SNX25: variants seen among roughly 807,000 people sequenced by gnomAD.
SNX25 encodes the protein sorting nexin 25.
In SNX25, 62 loss-of-function variants were observed where a neutral mutation model predicts 113.7. The observed-to-expected ratio is 0.55, with a 90% CI of 0.44 to 0.67. The LOEUF (loss-of-function observed/expected upper bound fraction) is 0.67, where lower values mean the gene tolerates loss of function less well. SNX25 is among the 30% of genes least tolerant of loss of function. The pLI is 0.00. For missense variants in SNX25, 1,014 were observed against 1,161.0 expected (o/e 0.87, Z 1.84); for synonymous variants, 421 against 436.2 (o/e 0.97, Z 0.43).
chr4:185,301,420 C>G (rs1753659352), intron 6 of SNX25, among the ~76,000 whole-genome samples: 1 of 152,104 alleles, frequency 6.6e-6, no homozygotes, highest in East Asian at 1.9e-4. Context: ...GAGACGGAGT[C>G]TCACTCTGTC....
At chr4:185,298,007 C>T (rs1753075587) in intron 6 of SNX25, among the ~76,000 whole-genome samples, 1 of 152,126 alleles carries the variant, frequency 6.6e-6, no homozygotes, top group Non-Finnish European at 1.5e-5. Flanking sequence ...TGCAGATGGA[C>T]CACCTACATG....
At chr4:185,340,937 G>A (rs1017056739) in intron 11 of SNX25, among the ~76,000 whole-genome samples, 10 of 152,158 alleles carry the variant, frequency 6.6e-5, no homozygotes, top group Non-Finnish European at 1.3e-4. Context: ...TGTATTCTGT[G>A]CTAGCTGACT....
intron 7 of SNX25, among the ~76,000 whole-genome samples, chr4:185,318,554 T>G (rs539200262): frequency 1.3e-5 from 2 of 152,332 alleles, no homozygotes; most frequent in Admixed American, 6.5e-5. Context: ...TTAATGAATA[T>G]GGTTGATACT....
At chr4:185,231,977 G>C (rs1337529385) in intron 1 of SNX25, among the ~76,000 whole-genome samples, 1 of 152,176 alleles carries the variant, frequency 6.6e-6, no homozygotes. Flanking sequence ...GGGCTGCTAG[G>C]TGTGGGGCCC....
At chr4:185,344,571 C>T (rs189670663) in intron 12 of SNX25, among the ~76,000 whole-genome samples, 28 of 152,254 alleles carry the variant, frequency 1.8e-4, no homozygotes, top group African/African-American at 6.7e-4. Context: ...AGCAGATGCC[C>T]AGGCTGTATT....
intron 12 of SNX25, among the ~76,000 whole-genome samples, chr4:185,344,878 TG>T (rs1054043304): frequency 2.2e-4 from 34 of 152,348 alleles, no homozygotes; most frequent in African/African-American, 7.0e-4. Flanking sequence ...ATTTCTCAGA[TG>T]GCCTTTGGTC....
At chr4:185,376,967 C>T in the SNX25 span, 1 of 1,614,048 alleles carries the variant, frequency 6.2e-7, no homozygotes, top group Non-Finnish European at 8.5e-7. Flanking sequence ...TTTCAGTATT[C>T]TTTCCTTCAA....
chr4:185,223,271 TA>T (rs910316459), intron 1 of SNX25, among the ~76,000 whole-genome samples: 12 of 149,588 alleles, frequency 8.0e-5, no homozygotes, highest in African/African-American at 1.2e-4. Context: ...CTTGTCTCTT[TA>T]AAAAAAAAAG....
intron 1 of SNX25, among the ~76,000 whole-genome samples, chr4:185,220,758 G>A (rs1045676138): frequency 6.6e-6 from 1 of 152,138 alleles, no homozygotes; most frequent in East Asian, 1.9e-4. Flanking sequence ...GGGATTACAG[G>A]CGTGAGCCAC....
At chr4:185,364,222 G>A (rs1332905992), downstream of SNX25, 2 of 152,244 alleles carry the variant, frequency 1.3e-5, no homozygotes, top group Non-Finnish European at 2.9e-5. Flanking sequence ...GACCCTTGGA[G>A]TATGGGCAGG....
At chr4:185,300,120 A>G (rs1006963183) in intron 6 of SNX25, among the ~76,000 whole-genome samples, 12 of 152,150 alleles carry the variant, frequency 7.9e-5, no homozygotes, top group African/African-American at 2.9e-4. Flanking sequence ...ACACATAGAC[A>G]CTGTTACTTG....
chr4:185,294,900 A>G lies in SNX25; in HGVS notation c.1162+6818A>G, dbSNP rs562510853. On this transcript the variant is annotated intron_variant, in intron 6 of 18. Transcript: ENST00000652585. ...TTTTTCTTTTAACTCAGTATGTAGT[A>G]ACTTATTGGATGTTACAGGAAGTCG... is the stretch of plus-strand genomic sequence containing the variant. 9.2e-5 allele frequency among the ~76,000 whole-genome samples: 14 copies of G among 152,254 alleles called. No individual in the cohort carries two copies. In the South Asian group the frequency reaches 2.9e-3, roughly 32 times the overall value.
In SNX25 at chr4:185,265,917, C is replaced by T. The variant is rs548601797; in HGVS notation, c.905-1052C>T. Among the ~76,000 whole-genome samples the T allele has an allele frequency of 7.9e-5, 12 of 152,056 alleles. No individual in the cohort carries two copies. In the East Asian group the frequency reaches 1.2e-3, roughly 15 times the overall value. ...TGTTGACCAAAATGTCATTATGTGG[C>T]GCATGACTGTACATAATTTTGTGAA... On this transcript the variant is annotated intron_variant, in intron 4 of 18. Transcript: ENST00000652585.
At chr4:185,353,724 G>GT in intron 15 of SNX25, 122 bp downstream of exon 15, 1 of 857,216 alleles carries the variant, frequency 1.2e-6, no homozygotes, top group Non-Finnish European at 1.9e-6. Context: ...TTATATTCAT[G>GT]CATCCATTCA....
chr4:185,332,556 A>T (rs3822301), intron 9 of SNX25, 39 bp from the exon 10 acceptor site: 42 of 1,514,682 alleles, frequency 2.8e-5, no homozygotes, highest in Non-Finnish European at 3.6e-5. Context: ...TGAATTTTCT[A>T]TCATTATAAG....
chr4:185,293,252 A>T (rs1247654739), intron 6 of SNX25, among the ~76,000 whole-genome samples: 3 of 152,222 alleles, frequency 2.0e-5, no homozygotes, highest in Non-Finnish European at 4.4e-5. Flanking sequence ...TAAACATAGA[A>T]TTACCATGTG....
intron 8 of SNX25, among the ~76,000 whole-genome samples, chr4:185,321,660 C>T (rs2095121186): frequency 6.6e-6 from 1 of 152,110 alleles, no homozygotes; most frequent in Non-Finnish European, 1.5e-5. Flanking sequence ...TCATGCTTTG[C>T]ATTTGGCAAT....
At chr4:185,313,824 C>G (rs750999524) in intron 7 of SNX25, among the ~76,000 whole-genome samples, 2 of 152,040 alleles carry the variant, frequency 1.3e-5, no homozygotes, top group Non-Finnish European at 2.9e-5. Context: ...GAAGCCTTAC[C>G]AATAATAGTC....
intron 12 of SNX25, among the ~76,000 whole-genome samples, chr4:185,346,010 A>G (rs1363746030): frequency 6.6e-6 from 1 of 152,124 alleles, no homozygotes; most frequent in Non-Finnish European, 1.5e-5. Context: ...AGCATGTGCC[A>G]TCACGCCAGG....
Sources: allele counts gnomAD v4.1 joint callset (sites outside exome capture counted in the v4.1 genomes callset), GRCh38; gene constraint gnomAD v4.1.1; transcripts MANE v1.5; gene names NCBI Gene and HGNC (gene_info 2026-07-23, HGNC 2026-07-21).